The following OR10J1 variants were observed in gnomAD, a reference collection of about 807,000 sequenced individuals.
OR10J1 encodes the protein olfactory receptor family 10 subfamily J member 1.
For missense variants in OR10J1, 474 were observed against 376.6 expected (o/e 1.26, Z -2.14); for synonymous variants, 202 against 143.8 (o/e 1.40, Z -2.89).
At chr1:159,429,422 C>T in the OR10J1 span, among the ~76,000 whole-genome samples, 15 of 152,324 alleles carry the variant, frequency 9.8e-5, no homozygotes, top group Admixed American at 7.8e-4. Flanking sequence ...TGTCTCATGA[C>T]GCTGCATCCT....
At position 159,440,134 on chromosome 1, in the gene OR10J1, C is replaced by T. The variant is rs771056087; in HGVS notation, c.343C>T (p.Leu115Phe). 6.2e-7 allele frequency: 1 copy of T among 1,614,168 alleles called. No homozygotes were observed. The highest frequency in any genetic ancestry group is 2.2e-5 in the East Asian group (1 of 44,884). ...CTTTGGCATCACTAACTGCTTCCTG[C>T]TCACAGCAATGGGATATGACCGCTA... is the stretch of plus-strand genomic sequence containing the variant. ...VTFGITNCFL[L>F]TAMGYDRYVA... The change falls in exon 1 of 1, where the codon CTC becomes TTC. Residue 115 changes from leucine (L) to phenylalanine (F), a missense_variant. Leu to Phe is a conservative substitution (Grantham distance 22). Transcript: ENST00000423932.
At chr1:159,439,698 T>C (rs138732792), upstream of OR10J1, 34 of 1,498,020 alleles carry the variant, frequency 2.3e-5, no homozygotes, top group East Asian at 6.3e-4. Flanking sequence ...CTGAGAACTA[T>C]TGAACTTCAA....
the OR10J1 span, among the ~76,000 whole-genome samples, chr1:159,402,053 T>G: frequency 6.6e-6 from 1 of 152,048 alleles, no homozygotes; most frequent in Non-Finnish European, 1.5e-5. Context: ...CATCCCTTCA[T>G]GATAAAACCC....
the OR10J1 span, among the ~76,000 whole-genome samples, chr1:159,420,535 T>G: frequency 6.6e-6 from 1 of 152,182 alleles, no homozygotes; most frequent in Non-Finnish European, 1.5e-5. Context: ...ACAGTAATCT[T>G]TCTTTTGCTA....
chr1:159,407,653 T>A, the OR10J1 span, among the ~76,000 whole-genome samples: 88 of 152,238 alleles, frequency 5.8e-4, no homozygotes, highest in African/African-American at 2.1e-3. Flanking sequence ...TTATAACTTA[T>A]TCAATGTGGT....
chr1:159,431,129 T>C, the OR10J1 span, among the ~76,000 whole-genome samples: 1 of 152,182 alleles, frequency 6.6e-6, no homozygotes, highest in African/African-American at 2.4e-5. Context: ...ATTAAACGCA[T>C]AATATTTGGG....
At chr1:159,413,426 C>T in the OR10J1 span, among the ~76,000 whole-genome samples, 1 of 151,886 alleles carries the variant, frequency 6.6e-6, no homozygotes, top group African/African-American at 2.4e-5. Context: ...ATAGCAAAGA[C>T]TTGGAACCAA....
chr1:159,430,337 T>C, the OR10J1 span, among the ~76,000 whole-genome samples: 1 of 152,158 alleles, frequency 6.6e-6, no homozygotes, highest in Non-Finnish European at 1.5e-5. Flanking sequence ...CACTCAGCAT[T>C]TCTTCATAGC....
At chr1:159,399,500 G>A in the OR10J1 span, among the ~76,000 whole-genome samples, 2 of 149,618 alleles carry the variant, frequency 1.3e-5, no homozygotes, top group South Asian at 2.1e-4. Context: ...GAACCTGGGA[G>A]GTGGAGCTTG....
the OR10J1 span, among the ~76,000 whole-genome samples, chr1:159,411,466 C>G: frequency 6.6e-6 from 1 of 152,154 alleles, no homozygotes. Flanking sequence ...CCTTCTTTGT[C>G]TCTTTTGATC....
chr1:159,439,666 A>T, upstream of OR10J1: 1 of 1,162,780 alleles, frequency 8.6e-7, no homozygotes, highest in Non-Finnish European at 1.2e-6. Flanking sequence ...ATCCACTAGG[A>T]AATACATCAC....
the OR10J1 span, among the ~76,000 whole-genome samples, chr1:159,413,054 A>G: frequency 6.6e-6 from 1 of 152,250 alleles, no homozygotes; most frequent in Non-Finnish European, 1.5e-5. Flanking sequence ...TCTCAAAGGA[A>G]GACATTTATG....
the OR10J1 span, among the ~76,000 whole-genome samples, chr1:159,418,932 A>G: frequency 1.3e-5 from 2 of 152,188 alleles, no homozygotes; most frequent in South Asian, 4.1e-4. Context: ...TGGAGCTTTA[A>G]GATTTGACTG....
chr1:159,401,290 A>G, the OR10J1 span, among the ~76,000 whole-genome samples: 14 of 152,002 alleles, frequency 9.2e-5, no homozygotes, highest in African/African-American at 3.1e-4. Context: ...TTTGCAAAAC[A>G]CAAAAGATCA....
At chr1:159,415,876 T>C in the OR10J1 span, among the ~76,000 whole-genome samples, 1 of 151,940 alleles carries the variant, frequency 6.6e-6, no homozygotes, top group Non-Finnish European at 1.5e-5. Flanking sequence ...TGTTTTATAG[T>C]TTTTCTTGCA....
the OR10J1 span, among the ~76,000 whole-genome samples, chr1:159,411,910 G>A: frequency 3.3e-5 from 5 of 152,060 alleles, no homozygotes; most frequent in East Asian, 7.7e-4. Flanking sequence ...CCTGTTTGCA[G>A]ATGACATGAT....
At chr1:159,408,427 G>A in the OR10J1 span, among the ~76,000 whole-genome samples, 2 of 136,400 alleles carry the variant, frequency 1.5e-5, no homozygotes, top group African/African-American at 5.4e-5. Context: ...AGAACACATG[G>A]ACACAGGAAG....
At chr1:159,407,657 A>G in the OR10J1 span, among the ~76,000 whole-genome samples, 1 of 152,150 alleles carries the variant, frequency 6.6e-6, no homozygotes, top group African/African-American at 2.4e-5. Flanking sequence ...AACTTATTCA[A>G]TGTGGTTATG....
chr1:159,424,652 A>G, the OR10J1 span, among the ~76,000 whole-genome samples: 1 of 151,956 alleles, frequency 6.6e-6, no homozygotes, highest in African/African-American at 2.4e-5. Flanking sequence ...ATGATACATT[A>G]ACAAATTGGA....
Sources: allele counts gnomAD v4.1 joint callset (sites outside exome capture counted in the v4.1 genomes callset), GRCh38; gene constraint gnomAD v4.1.1; transcripts MANE v1.5; gene names NCBI Gene and HGNC (gene_info 2026-07-23, HGNC 2026-07-21).